Variants in PLSCR2 observed in about 807,000 individuals in gnomAD.
PLSCR2 encodes PL scramblase 2.
Under a neutral mutation model 25.3 loss-of-function variants are expected in PLSCR2, and 18 were observed. That is an observed-to-expected ratio of 0.71 (90% confidence interval 0.49 to 1.06). The LOEUF (loss-of-function observed/expected upper bound fraction) is 1.06. Ranked by LOEUF, PLSCR2 falls within the 50% of genes least tolerant of loss-of-function variation. PLSCR2 has a pLI of 0.00. For missense variants in PLSCR2, 243 were observed against 269.5 expected (o/e 0.90, Z 0.69); for synonymous variants, 88 against 87.3 (o/e 1.01, Z -0.04).
At chr3:146,426,659 A>G (rs1019619423) in intron 2 of PLSCR2, among the ~76,000 whole-genome samples, 5 of 152,218 alleles carry the variant, frequency 3.3e-5, no homozygotes, top group African/African-American at 1.2e-4. Flanking sequence ...AAACATATTC[A>G]TTAATATTAC....
Position 146,455,497 on chromosome 3 carries a change from A to AATGATTG in PLSCR2, c.101-45_101-39dup, listed in dbSNP as rs571276716. ...ATAAAATCAGTTGCCTTTACGTTAA[A>AATGATTG]ATGATTGAACCTATCTTAAGATATT... On this transcript the variant is annotated intron_variant, in intron 3 of 6. Transcript: ENST00000610787. 8.6e-5 allele frequency: 106 copies of AATGATTG among 1,226,160 alleles called. No individual in the cohort carries two copies. In the African/African-American group the frequency reaches 1.3e-3, roughly 15 times the overall value. 76.0% of individuals were successfully genotyped at this position (1,226,160 alleles called of 1,614,324 possible).
intron 1 of PLSCR2, among the ~76,000 whole-genome samples, chr3:146,485,942 T>A (rs952261775): frequency 3.9e-5 from 6 of 152,056 alleles, no homozygotes; most frequent in Admixed American, 3.9e-4. Flanking sequence ...CCATTCACTA[T>A]CATGAGAACA....
chr3:146,484,077 A>C (rs908371185), intron 1 of PLSCR2, among the ~76,000 whole-genome samples: 3 of 151,896 alleles, frequency 2.0e-5, no homozygotes, highest in East Asian at 1.9e-4. Context: ...TGGAATAACC[A>C]GTTTAGAGAG....
intron 2 of PLSCR2, among the ~76,000 whole-genome samples, chr3:146,418,494 T>C (rs1470541229): frequency 6.6e-6 from 1 of 152,196 alleles, no homozygotes; most frequent in African/African-American, 2.4e-5. Context: ...AGGACAGGCA[T>C]AGTTTCCCTG....
intron 2 of PLSCR2, among the ~76,000 whole-genome samples, chr3:146,414,173 G>A (rs966543011): frequency 4.6e-5 from 7 of 152,162 alleles, no homozygotes; most frequent in Non-Finnish European, 7.3e-5. Context: ...TGAGATAAAG[G>A]TGTTAATTCA....
upstream of PLSCR2, among the ~76,000 whole-genome samples, chr3:146,465,260 T>G (rs778854458): frequency 2.0e-5 from 3 of 152,158 alleles, no homozygotes; most frequent in Non-Finnish European, 2.9e-5. Context: ...ATCTCTCTAT[T>G]TTTAGATAAG....
At chr3:146,451,066 G>A (rs549949190) in intron 5 of PLSCR2, among the ~76,000 whole-genome samples, 1 of 136,458 alleles carries the variant, frequency 7.3e-6, no homozygotes, top group Non-Finnish European at 1.5e-5. Flanking sequence ...GAAATAATAC[G>A]TTGGTATTTA....
intron 2 of PLSCR2, among the ~76,000 whole-genome samples, chr3:146,420,844 C>A (rs1232731419): frequency 1.3e-5 from 2 of 152,006 alleles, no homozygotes; most frequent in Non-Finnish European, 2.9e-5. Context: ...GAATAAAATT[C>A]TGGCTGAATT....
At chr3:146,423,117 A>G (rs1442309975) in intron 2 of PLSCR2, among the ~76,000 whole-genome samples, 1 of 151,968 alleles carries the variant, frequency 6.6e-6, no homozygotes, top group African/African-American at 2.4e-5. Flanking sequence ...TGTGACTGAG[A>G]CCTAAGCCCA....
At chr3:146,468,903 G>A (rs903281444) in intron 1 of PLSCR2, among the ~76,000 whole-genome samples, 1 of 152,170 alleles carries the variant, frequency 6.6e-6, no homozygotes, top group East Asian at 1.9e-4. Flanking sequence ...CAGAAATGAG[G>A]CAATGGAAAG....
In PLSCR2 at chr3:146,392,748, G is replaced by A. The variant is rs543987115; in HGVS notation, c.*146-1186C>T. Among the ~76,000 whole-genome samples, 11 of 151,076 alleles carry A rather than the reference G, an allele frequency of 7.3e-5. No individual in the cohort carries two copies. The East Asian group carries it at 2.1e-3, about 29-fold the overall frequency. ...TGTTACTTTATGATTTTCTTGCTTT[G>A]AAAGACCTATTTTGTCTAGAGTACA... On this transcript the variant is annotated intron_variant and NMD_transcript_variant, in intron 3 of 3. Coordinates refer to the PLSCR2 transcript ENST00000463633.
intron 2 of PLSCR2, among the ~76,000 whole-genome samples, chr3:146,405,965 T>G (rs1206441596): frequency 3.9e-5 from 6 of 152,178 alleles, no homozygotes; most frequent in Non-Finnish European, 8.8e-5. Context: ...AAGGCCTGAT[T>G]GGCTTGGGTG....
intron 2 of PLSCR2, among the ~76,000 whole-genome samples, chr3:146,423,007 A>C (rs750740779): frequency 1.7e-4 from 26 of 152,044 alleles, no homozygotes; most frequent in Non-Finnish European, 3.4e-4. Context: ...AGTATTTATA[A>C]TACTATGATA....
chr3:146,407,775 T>G (rs770419166), intron 2 of PLSCR2, among the ~76,000 whole-genome samples: 7 of 152,096 alleles, frequency 4.6e-5, no homozygotes, highest in Non-Finnish European at 1.0e-4. Flanking sequence ...AGGTGTTTGC[T>G]GGTAAAGCCT....
chr3:146,415,635 C>T (rs2038984907), intron 2 of PLSCR2, among the ~76,000 whole-genome samples: 1 of 152,032 alleles, frequency 6.6e-6, no homozygotes, highest in Non-Finnish European at 1.5e-5. Flanking sequence ...TACATATATA[C>T]TATTTTATTT....
chr3:146,467,151 T>C (rs1266785125), intron 1 of PLSCR2, among the ~76,000 whole-genome samples: 4 of 152,212 alleles, frequency 2.6e-5, no homozygotes. Flanking sequence ...TCCACATATA[T>C]GTACACATGT....
At chr3:146,465,703 A>G (rs1221372050) in intron 1 of PLSCR2, among the ~76,000 whole-genome samples, 2 of 152,176 alleles carry the variant, frequency 1.3e-5, no homozygotes, top group Non-Finnish European at 2.9e-5. Flanking sequence ...CTAGGTGCCT[A>G]ACTTCCTACC....
At chr3:146,460,030 G>A in exon 2 of PLSCR2, 2 of 1,594,000 alleles carry the variant, frequency 1.3e-6, no homozygotes, top group Non-Finnish European at 1.7e-6. Flanking sequence ...TGGTCAGCCT[G>A]TTTCCCAGTG....
At chr3:146,484,293 A>G (rs961252695) in intron 1 of PLSCR2, among the ~76,000 whole-genome samples, 3 of 151,356 alleles carry the variant, frequency 2.0e-5, no homozygotes, top group African/African-American at 7.3e-5. Flanking sequence ...GATTACGAAA[A>G]AAGACTGAAC....
Sources: gnomAD v4.1 joint callset for allele counts (sites outside exome capture counted in the v4.1 genomes callset) on GRCh38, gnomAD v4.1.1 for gene constraint, MANE v1.5 for transcripts, NCBI Gene and HGNC (gene_info 2026-07-23, HGNC 2026-07-21) for gene names.